NFIA: variants seen among roughly 807,000 people sequenced by gnomAD.
The protein encoded by NFIA is nuclear factor I A, also known as nuclear factor 1 A-type.
NFIA carries 8 observed loss-of-function variants against 62.8 expected under a neutral mutation model. The ratio of observed to expected loss-of-function variants is 0.13; its 90% CI spans 0.07 to 0.23. The LOEUF is 0.23. NFIA is among the 10% of genes least tolerant of loss of function. NFIA has a pLI of 1.00. For synonymous variants in NFIA, 235 were observed against 238.1 expected, an observed-to-expected ratio of 0.99 and a Z score of 0.12; for missense variants, 410 against 642.1, an observed-to-expected ratio of 0.64 and a Z score of 3.91.
intron 2 of NFIA, among the ~76,000 whole-genome samples, chr1:61,202,139 C>T (rs2100591102): frequency 6.6e-6 from 1 of 152,270 alleles, no homozygotes; most frequent in Admixed American, 6.5e-5. Context: ...GAGATTTCAC[C>T]TTTATGGCTT....
At chr1:61,399,830 C>T (rs1569767728) in intron 7 of NFIA, among the ~76,000 whole-genome samples, 1 of 152,152 alleles carries the variant, frequency 6.6e-6, no homozygotes, top group African/African-American at 2.4e-5. Context: ...ACAAGACCTC[C>T]TCCCCATAGT....
intron 2 of NFIA, among the ~76,000 whole-genome samples, chr1:61,127,955 T>C (rs1647004767): frequency 6.6e-6 from 1 of 152,142 alleles, no homozygotes; most frequent in Non-Finnish European, 1.5e-5. Context: ...TTTTCCCCAG[T>C]AGACCGGGAG....
chr1:61,404,013 G>T, intron 7 of NFIA, 91 bp from the exon 8 acceptor site: 1 of 1,436,300 alleles, frequency 7.0e-7, no homozygotes. Flanking sequence ...AATCGGGCCA[G>T]GAAGAGAAAT....
intron 4 of NFIA, among the ~76,000 whole-genome samples, chr1:61,344,582 T>A (rs1396158457): frequency 1.3e-5 from 2 of 152,236 alleles, no homozygotes; most frequent in Non-Finnish European, 2.9e-5. Context: ...GTCTCTGAAA[T>A]GTAAGCCCCA....
chr1:61,186,074 T>A (rs17121793), intron 2 of NFIA, among the ~76,000 whole-genome samples: 23,161 of 152,182 alleles, frequency 0.15, 2,791 homozygotes, highest in African/African-American at 0.31. Context: ...ACCTTAAATT[T>A]TACTCAATCC....
chr1:61,394,747 G>A (rs1408131152), intron 7 of NFIA, among the ~76,000 whole-genome samples: 5 of 152,154 alleles, frequency 3.3e-5, no homozygotes, highest in African/African-American at 1.2e-4. Flanking sequence ...TTTACCCACA[G>A]TAGGATTACT....
intron 10 of NFIA, among the ~76,000 whole-genome samples, chr1:61,437,790 G>A (rs1019153499): frequency 6.6e-6 from 1 of 152,158 alleles, no homozygotes; most frequent in Non-Finnish European, 1.5e-5. Context: ...GAACATTCCA[G>A]ACCAGGCAGG....
At chr1:61,379,753 A>G (rs574211570) in intron 6 of NFIA, among the ~76,000 whole-genome samples, 2 of 151,888 alleles carry the variant, frequency 1.3e-5, no homozygotes, top group Non-Finnish European at 2.9e-5. Context: ...AGGTCTCACT[A>G]TATTGTCCAG....
intron 9 of NFIA, among the ~76,000 whole-genome samples, chr1:61,420,871 T>G (rs550342149): frequency 6.6e-6 from 1 of 152,362 alleles, no homozygotes; most frequent in Non-Finnish European, 1.5e-5. Flanking sequence ...TAAAATAAAT[T>G]CAACAGGCTT....
At chr1:61,264,677 A>G in intron 2 of NFIA, among the ~76,000 whole-genome samples, 1 of 138,790 alleles carries the variant, frequency 7.2e-6, no homozygotes, top group South Asian at 2.3e-4. Context: ...AAAAAAAAAA[A>G]AAAGGATTTC....
chr1:61,234,322 G>A (rs1266640205), intron 2 of NFIA, among the ~76,000 whole-genome samples: 4 of 146,170 alleles, frequency 2.7e-5, no homozygotes, highest in Admixed American at 6.9e-5. Context: ...AACCGAGATC[G>A]TGCCATTGCG....
intron 2 of NFIA, among the ~76,000 whole-genome samples, chr1:61,155,679 CAAAAAAA>C (rs35851988): frequency 9.2e-6 from 1 of 108,672 alleles, no homozygotes; most frequent in Non-Finnish European, 1.8e-5. Flanking sequence ...GACTCCATCT[CAAAAAAA>C]AAAAAAAAAA....
intron 10 of NFIA, among the ~76,000 whole-genome samples, chr1:61,428,990 A>C (rs148908819): frequency 6.6e-6 from 1 of 152,200 alleles, no homozygotes; most frequent in South Asian, 2.1e-4. Flanking sequence ...ACATAAATCT[A>C]TAAACAGATG....
In NFIA at chr1:61,304,711, C is replaced by T. The variant is rs149994390; in HGVS notation, c.625+27126C>T. Among the ~76,000 whole-genome samples, 20 of 152,118 alleles carry T rather than the reference C, an allele frequency of 1.3e-4. 1 individual carries two copies. The East Asian group carries it at 3.7e-3, about 28-fold the overall frequency. ...TGAAGAGATGAAAGTTCCCCTGGTC[C>T]CCCAAAATTTTGTTTATAGTACATA... On this transcript the variant is annotated intron_variant, in intron 3 of 10. Transcript: ENST00000403491.
At chr1:61,156,098 C>T (rs898926045) in intron 2 of NFIA, among the ~76,000 whole-genome samples, 6 of 152,156 alleles carry the variant, frequency 3.9e-5, no homozygotes, top group South Asian at 2.1e-4. Flanking sequence ...CATGCCATTG[C>T]GCTCCAGCCT....
chr1:61,441,331 G>GTGTGTGTGTGTGTGTGTGTGTGTGTC (rs1360188951), intron 10 of NFIA, among the ~76,000 whole-genome samples: 1 of 142,346 alleles, frequency 7.0e-6, no homozygotes, highest in Non-Finnish European at 1.5e-5. Context: ...GTGTGTGTGT[G>GTGTGTGTGTGTGTGTGTGTGTGTGTC]TGTCTGTCTG....
chr1:61,433,499 A>G (rs2499537), intron 10 of NFIA, among the ~76,000 whole-genome samples: 1,662 of 151,198 alleles, frequency 0.011, 22 homozygotes, highest in African/African-American at 0.039. Context: ...TAGTTTTTTA[A>G]CTGTAAAATA....
chr1:61,185,806 A>G (rs773212405), intron 2 of NFIA, among the ~76,000 whole-genome samples: 16 of 152,060 alleles, frequency 1.1e-4, no homozygotes, highest in Non-Finnish European at 2.2e-4. Flanking sequence ...TTTCAGTTCG[A>G]ATAATAGCCC....
chr1:61,090,134 CTGT>C (rs1329802546), intron 2 of NFIA, among the ~76,000 whole-genome samples: 5 of 152,170 alleles, frequency 3.3e-5, no homozygotes, highest in Non-Finnish European at 5.9e-5. Context: ...ACTCTTAACC[CTGT>C]TGTTGTTCAT....
Sources: gnomAD v4.1 joint callset for allele counts (sites outside exome capture counted in the v4.1 genomes callset) on GRCh38, gnomAD v4.1.1 for gene constraint, MANE v1.5 for transcripts, NCBI Gene and HGNC (gene_info 2026-07-23, HGNC 2026-07-21) for gene names.